STK31: variants seen among roughly 807,000 people sequenced by gnomAD.
The protein encoded by STK31 is serine/threonine-protein kinase 31.
In STK31, 89 loss-of-function variants were observed where a neutral mutation model predicts 129.7. The ratio of observed to expected loss-of-function variants is 0.69; its 90% CI spans 0.58 to 0.82. The LOEUF is 0.82. STK31 is among the 40% of genes least tolerant of loss of function. STK31 has a pLI of 0.00. For missense variants in STK31, 1,187 were observed against 1,176.4 expected (o/e 1.01, Z -0.13); for synonymous variants, 448 against 395.3 (o/e 1.13, Z -1.58).
intron 15 of STK31, among the ~76,000 whole-genome samples, chr7:23,775,393 G>A (rs1044791752): frequency 1.3e-5 from 2 of 152,148 alleles, no homozygotes; most frequent in African/African-American, 2.4e-5. Flanking sequence ...GATGGGAATA[G>A]CATTGAATTT....
At chr7:23,767,171 GC>G (rs112768796) in intron 11 of STK31, among the ~76,000 whole-genome samples, 20 of 152,116 alleles carry the variant, frequency 1.3e-4, no homozygotes, top group African/African-American at 4.6e-4. Context: ...TGTTATCTGG[GC>G]CATTGACACT....
chr7:23,741,950 C>A (rs1788078013), intron 8 of STK31, among the ~76,000 whole-genome samples: 1 of 152,224 alleles, frequency 6.6e-6, no homozygotes, highest in Non-Finnish European at 1.5e-5. Flanking sequence ...CTCCAAGTGA[C>A]ACTTTTGGCC....
intron 23 of STK31, among the ~76,000 whole-genome samples, chr7:23,818,182 T>A (rs1793577826): frequency 6.6e-6 from 1 of 152,166 alleles, no homozygotes; most frequent in African/African-American, 2.4e-5. Context: ...TCTCTTAATC[T>A]CTGTTGAGCT....
chr7:23,775,737 G>A (rs1037093090), intron 15 of STK31, among the ~76,000 whole-genome samples: 2 of 152,100 alleles, frequency 1.3e-5, no homozygotes, highest in South Asian at 2.1e-4. Flanking sequence ...GGGCTGAGAC[G>A]ATGGGGTTTT....
intron 14 of STK31, 114 bp downstream of exon 14, chr7:23,771,238 A>T: frequency 1.1e-6 from 1 of 945,628 alleles, no homozygotes; most frequent in Non-Finnish European, 1.5e-6. Flanking sequence ...TATTACTAGA[A>T]TTCACTGTCA....
intron 6 of STK31, among the ~76,000 whole-genome samples, chr7:23,729,461 T>C (rs778239628): frequency 1.3e-5 from 2 of 151,944 alleles, no homozygotes; most frequent in Non-Finnish European, 2.9e-5. Context: ...ATATAATATA[T>C]GTAAATAGTT....
chr7:23,786,500 G>T lies in STK31; in HGVS notation c.2275-8G>T. 4 of 1,586,040 alleles carry T rather than the reference G, an allele frequency of 2.5e-6. No individual in the cohort carries two copies. Among genetic ancestry groups the T allele is most frequent in the Non-Finnish European group, 3.4e-6 (4 of 1,168,760 alleles). The stretch of plus-strand genomic sequence containing the variant: ...TGGAATTACGAGTGCCTCTTTCTTT[G>T]GTACAAGGGCTATTCTGTGGATGTT... On this transcript the variant is annotated splice_region_variant and splice_polypyrimidine_tract_variant and intron_variant, in intron 18 of 23. Coordinates refer to ENST00000355870, the MANE Select transcript of STK31 (RefSeq NM_031414.5).
rs760924404 is a variant in STK31, at chr7:23,832,386, C to A, written c.*20C>A. The stretch of plus-strand genomic sequence containing the variant: ...TGTTAAATTATTATTGTTGTTGTTG[C>A]AGAGGTTCTTTTTAAAAACTTTGGT... On this transcript the variant is annotated 3_prime_UTR_variant, in exon 24 of 24. Coordinates refer to ENST00000355870, the MANE Select transcript of STK31 (RefSeq NM_031414.5). The A allele has an allele frequency of 6.4e-7, 1 of 1,567,138 alleles. No individual in the cohort carries two copies. Among genetic ancestry groups the A allele is most frequent in the South Asian group, 1.2e-5 (1 of 86,412 alleles).
intron 8 of STK31, among the ~76,000 whole-genome samples, chr7:23,751,205 T>G (rs988036352): frequency 6.6e-6 from 1 of 152,226 alleles, no homozygotes; most frequent in African/African-American, 2.4e-5. Flanking sequence ...TGACAGGATT[T>G]CATTCTTTTT....
rs143898606 is a variant in STK31, at chr7:23,766,231, C to T, written c.1417-2764C>T. On this transcript the variant is annotated intron_variant, in intron 11 of 23. Coordinates refer to ENST00000355870, the MANE Select transcript of STK31 (RefSeq NM_031414.5). ...GGCCATGTTTCCTTTACACCTTTGA[C>T]AATAATAATCTATTGTTTCATTTCT... Among the ~76,000 whole-genome samples the T allele has an allele frequency of 2.4e-3, 365 of 152,240 alleles. 1 individual carries two copies. Among genetic ancestry groups the T allele is most frequent in the Middle Eastern group, 6.8e-3 (2 of 292 alleles).
At chr7:23,752,165 A>G (rs915497785) in intron 8 of STK31, among the ~76,000 whole-genome samples, 3 of 152,174 alleles carry the variant, frequency 2.0e-5, no homozygotes, top group Non-Finnish European at 2.9e-5. Flanking sequence ...TTAAAAAAAG[A>G]CATAGCACCA....
At chr7:23,784,299 G>C (rs928310593) in intron 17 of STK31, among the ~76,000 whole-genome samples, 5 of 152,094 alleles carry the variant, frequency 3.3e-5, no homozygotes, top group African/African-American at 9.7e-5. Flanking sequence ...CATTATAATG[G>C]CTTAAATATG....
intron 9 of STK31, among the ~76,000 whole-genome samples, chr7:23,753,354 G>C (rs1257003963): frequency 1.3e-5 from 2 of 152,158 alleles, no homozygotes. Flanking sequence ...GTCCCAGTAT[G>C]AGTGAGTGTG....
At chr7:23,725,130 G>A (rs545127433) in intron 4 of STK31, among the ~76,000 whole-genome samples, 4 of 152,116 alleles carry the variant, frequency 2.6e-5, no homozygotes, top group African/African-American at 9.6e-5. Context: ...TTATCAGTAG[G>A]GTTGAACTTT....
At chr7:23,801,340 T>C (rs1487124818) in intron 22 of STK31, among the ~76,000 whole-genome samples, 1 of 152,202 alleles carries the variant, frequency 6.6e-6, no homozygotes, top group Non-Finnish European at 1.5e-5. Flanking sequence ...ATTGGCTTTC[T>C]GTATTTTCTT....
chr7:23,774,844 C>T (rs1293932352), intron 15 of STK31, among the ~76,000 whole-genome samples: 1 of 152,138 alleles, frequency 6.6e-6, no homozygotes, highest in Non-Finnish European at 1.5e-5. Flanking sequence ...GACATGAAGT[C>T]CTTGCCCATG....
intron 21 of STK31, among the ~76,000 whole-genome samples, chr7:23,789,017 T>C (rs536204500): frequency 1.3e-5 from 2 of 152,268 alleles, no homozygotes; most frequent in African/African-American, 4.8e-5. Context: ...TCTCTATGGA[T>C]TTGCCTATTT....
At chr7:23,723,965 A>C (rs183503193) in intron 4 of STK31, among the ~76,000 whole-genome samples, 1 of 152,172 alleles carries the variant, frequency 6.6e-6, no homozygotes, top group Admixed American at 6.5e-5. Flanking sequence ...GCCCGGAGGA[A>C]GGGGCTTGAT....
At chr7:23,715,372 CT>C (rs1228297448) in intron 3 of STK31, among the ~76,000 whole-genome samples, 1 of 151,128 alleles carries the variant, frequency 6.6e-6, no homozygotes, top group African/African-American at 2.4e-5. Context: ...AATCCCAACA[CT>C]TTGGGAGACC....
Sources: gnomAD v4.1 joint callset for allele counts (sites outside exome capture counted in the v4.1 genomes callset) on GRCh38, gnomAD v4.1.1 for gene constraint, MANE v1.5 for transcripts, NCBI Gene and HGNC (gene_info 2026-07-23, HGNC 2026-07-21) for gene names.